The following THAP8 variants were observed in gnomAD, a reference collection of about 807,000 sequenced individuals.
The protein encoded by THAP8 is THAP domain-containing protein 8.
THAP8 carries 24 observed loss-of-function variants against 25.0 expected under a neutral mutation model. The ratio of observed to expected loss-of-function variants is 0.96; its 90% CI spans 0.69 to 1.35. The LOEUF (loss-of-function observed/expected upper bound fraction) is 1.35. THAP8 is among the 40% of genes most tolerant of loss of function. The pLI is 0.00. For missense variants in THAP8, 399 were observed against 368.8 expected (o/e 1.08, Z -0.67); for synonymous variants, 169 against 157.6 (o/e 1.07, Z -0.54).
intron 1 of THAP8, among the ~76,000 whole-genome samples, chr19:36,045,434 A>G (rs1426910737): frequency 6.6e-6 from 1 of 151,764 alleles, no homozygotes; most frequent in Admixed American, 6.6e-5. Flanking sequence ...ATGCCCAGCT[A>G]ATTTTTATAT....
chr19:36,047,244 G>A (rs148420907), intron 1 of THAP8, among the ~76,000 whole-genome samples: 19 of 152,188 alleles, frequency 1.2e-4, no homozygotes, highest in African/African-American at 4.6e-4. Flanking sequence ...TCTTACTAAT[G>A]TAACTCAAAA....
intron 1 of THAP8, among the ~76,000 whole-genome samples, chr19:36,044,098 C>T (rs1375834670): frequency 6.6e-6 from 1 of 152,064 alleles, no homozygotes; most frequent in Non-Finnish European, 1.5e-5. Context: ...TAAAGACCTC[C>T]TTTTCCAGCC....
chr19:36,054,386 C>T (rs1970222220), upstream of THAP8: 1 of 754,686 alleles, frequency 1.3e-6, no homozygotes, highest in Non-Finnish European at 2.2e-6. Context: ...ACTAGGCGCC[C>T]CTCCACAGTG....
chr19:36,040,609 G>A (rs1364183929), intron 1 of THAP8, among the ~76,000 whole-genome samples: 4 of 152,126 alleles, frequency 2.6e-5, no homozygotes, highest in African/African-American at 9.7e-5. Context: ...TTATAGGCAT[G>A]AGCCACCAAG....
rs776931242 is a variant in THAP8, at chr19:36,035,601, A to G, written c.673-9T>C. ...AGGGTCTGGGCTGTTGTCTAAGGCAAAGAAGTGGTAGAGATGGGGAACATT... is the reference window on the plus strand; with the variant it reads ...AGGGTCTGGGCTGTTGTCTAAGGCAGAGAAGTGGTAGAGATGGGGAACATT... On this transcript the variant is annotated splice_polypyrimidine_tract_variant and intron_variant, in intron 3 of 3. Transcript: ENST00000292894. The G allele has an allele frequency of 6.2e-7, 1 of 1,611,444 alleles. No individual in the cohort carries two copies. The highest frequency in any genetic ancestry group is 8.5e-7 in the Non-Finnish European group (1 of 1,178,096).
intron 3 of THAP8, 147 bp from the exon 4 acceptor site, chr19:36,035,739 C>G: frequency 1.2e-6 from 1 of 857,954 alleles, no homozygotes; most frequent in Non-Finnish European, 1.8e-6. Flanking sequence ...TATGAGGAGA[C>G]AGGAAAGCAG....
At chr19:36,049,565 G>A in intron 1 of THAP8, among the ~76,000 whole-genome samples, 1 of 152,140 alleles carries the variant, frequency 6.6e-6, no homozygotes. Flanking sequence ...CTGACTCAGG[G>A]GTAGGCCCTG....
intron 1 of THAP8, among the ~76,000 whole-genome samples, chr19:36,050,719 C>T (rs1231456688): frequency 1.3e-5 from 2 of 152,168 alleles, no homozygotes; most frequent in Non-Finnish European, 1.5e-5. Flanking sequence ...TCTTTGTGTC[C>T]AGCAGGGGCT....
intron 1 of THAP8, among the ~76,000 whole-genome samples, chr19:36,049,991 T>C (rs1443815441): frequency 6.7e-6 from 1 of 149,680 alleles, no homozygotes; most frequent in African/African-American, 2.5e-5. Context: ...GAGGCAGAGG[T>C]TGCAGTGAGC....
rs137908478 is a variant in THAP8 at position 36,049,365 on chromosome 19, A to C, written c.83+4770T>G. Among the ~76,000 whole-genome samples, 1,101 of 140,326 alleles carry C rather than the reference A, an allele frequency of 7.8e-3. 18 individuals carry two copies. Among genetic ancestry groups the C allele is most frequent in the African/African-American group, 0.031 (1,069 of 34,874 alleles). The allele number at this position is 140,326 out of a possible 152,430, so 92.1% of individuals were successfully genotyped here. On this transcript the variant is annotated intron_variant, in intron 1 of 3. Coordinates refer to ENST00000292894, the MANE Select transcript of THAP8 (RefSeq NM_152658.3). ...GGGTGACAAAGCAAGATCATGTTTC[A>C]AAAAAAAAAAAGAGAGAGTGAACTA... is the stretch of plus-strand genomic sequence containing the variant.
At chr19:36,044,335 T>C (rs1413860602) in intron 1 of THAP8, among the ~76,000 whole-genome samples, 2 of 152,182 alleles carry the variant, frequency 1.3e-5, no homozygotes, top group Non-Finnish European at 2.9e-5. Context: ...TAACCAATTT[T>C]AACTATTAAA....
chr19:36,054,742 G>T, upstream of THAP8: 1 of 603,336 alleles, frequency 1.7e-6, no homozygotes, highest in Non-Finnish European at 2.9e-6. Flanking sequence ...GCTTAATCAG[G>T]CATCCAGTAC....
At chr19:36,054,030 ACACCCT>A in intron 1 of THAP8, 99 bp downstream of exon 1, 1 of 1,312,010 alleles carries the variant, frequency 7.6e-7, no homozygotes, top group Admixed American at 2.0e-5. Flanking sequence ...CCACTTCCTA[ACACCCT>A]CAAGCAAGAC....
chr19:36,053,662 T>C (rs192493862), intron 1 of THAP8, among the ~76,000 whole-genome samples: 45 of 152,038 alleles, frequency 3.0e-4, no homozygotes, highest in Middle Eastern at 3.4e-3. Flanking sequence ...CAGTCGAAGC[T>C]AATTCTGACT....
At chr19:36,043,015 G>A (rs1440925721) in intron 1 of THAP8, among the ~76,000 whole-genome samples, 5 of 149,888 alleles carry the variant, frequency 3.3e-5, no homozygotes, top group South Asian at 2.1e-4. Context: ...TGCAACCTCC[G>A]CCCCCTGGGT....
chr19:36,037,890 A>G (rs1420873643), intron 3 of THAP8, among the ~76,000 whole-genome samples: 1 of 151,846 alleles, frequency 6.6e-6, no homozygotes, highest in Non-Finnish European at 1.5e-5. Flanking sequence ...TGCCCACCTC[A>G]GCCTCCCAAA....
At position 36,040,087 on chromosome 19, in the gene THAP8, C is replaced by T. The variant is rs747921022; in HGVS notation, c.133G>A (p.Gly45Ser). ...PRLQAWLQHM[G>S]CEHWVPSCHQ... is the part of the protein sequence containing the mutation. ...CAGCTGGGCACCCAGTGCTCACAGC[C>T]CATGTGCTGCAGCCAGGCCTGCAGC... Residue 45 changes from glycine (G) to serine (S), a missense_variant, in exon 2 of 4, where the codon GGC becomes AGC. Transcript: ENST00000292894. 5.0e-6 allele frequency: 8 copies of T among 1,613,000 alleles called. No homozygotes were observed. The Admixed American group carries it at 6.7e-5, about 13-fold the overall frequency.
chr19:36,053,863 C>G (rs62109743), intron 1 of THAP8, among the ~76,000 whole-genome samples: 71,739 of 151,888 alleles, frequency 0.47, 17,731 homozygotes, highest in African/African-American at 0.61. Flanking sequence ...TGCAGGCTCT[C>G]TAACAGCCTG....
chr19:36,037,470 C>A (rs1225077515), intron 3 of THAP8, among the ~76,000 whole-genome samples: 1 of 151,996 alleles, frequency 6.6e-6, no homozygotes, highest in African/African-American at 2.4e-5. Context: ...CTATAGGGGC[C>A]AGGCAGGAAG....
Sources: gnomAD v4.1 joint callset for allele counts (sites outside exome capture counted in the v4.1 genomes callset) on GRCh38, gnomAD v4.1.1 for gene constraint, MANE v1.5 for transcripts, NCBI Gene and HGNC (gene_info 2026-07-23, HGNC 2026-07-21) for gene names.